Variants in POM121 observed in about 807,000 individuals in gnomAD.
The protein encoded by POM121 is POM121 transmembrane nucleoporin, also known as nuclear envelope pore membrane protein POM 121.
Under a neutral mutation model 81.3 loss-of-function variants are expected in POM121, and 32 were observed. The ratio of observed to expected loss-of-function variants is 0.39; its 90% confidence interval spans 0.30 to 0.53. The LOEUF (loss-of-function observed/expected upper bound fraction) is 0.53. Ranked by LOEUF, POM121 falls within the 20% of genes least tolerant of loss-of-function variation. The probability of loss-of-function intolerance (pLI) is 0.66; values close to 1 mark genes in which losing one functional copy is unlikely to be tolerated. For missense variants in POM121, 1,138 were observed against 1,614.6 expected (o/e 0.70, Z 5.06); for synonymous variants, 514 against 694.2 (o/e 0.74, Z 4.08).
intron 3 of POM121, among the ~76,000 whole-genome samples, chr7:72,907,023 T>C (rs1554493548): frequency 1.3e-5 from 2 of 152,206 alleles, no homozygotes; most frequent in African/African-American, 4.8e-5. Context: ...TTATTATCTC[T>C]TTTCTAAGTT....
intron 1 of POM121, among the ~76,000 whole-genome samples, chr7:72,886,153 G>GTATT (rs201459871): frequency 0.066 from 9,227 of 139,282 alleles, 270 homozygotes; most frequent in African/African-American, 0.13. Context: ...TAATTAAACA[G>GTATT]TATTTATTTA....
chr7:72,950,031 C>G, downstream of POM121: 1 of 1,547,006 alleles, frequency 6.5e-7, no homozygotes. Flanking sequence ...CCTACACATT[C>G]TTCCCTTTTC....
chr7:72,896,839 A>G (rs1554491795), intron 3 of POM121, among the ~76,000 whole-genome samples: 1 of 152,270 alleles, frequency 6.6e-6, no homozygotes, highest in African/African-American at 2.4e-5. Flanking sequence ...TTTGCCTGCC[A>G]CTGTTAAGCA....
chr7:72,903,934 C>T (rs1792966592), intron 3 of POM121, among the ~76,000 whole-genome samples: 1 of 152,208 alleles, frequency 6.6e-6, no homozygotes, highest in African/African-American at 2.4e-5. Context: ...GCTTGTGCCG[C>T]CACACCTGGC....
rs2530507 is a variant in POM121, at chr7:72,934,813, T to G, written c.1276-3777T>G. 2.3e-4 allele frequency among the ~76,000 whole-genome samples: 35 copies of G among 152,168 alleles called. 1 individual carries two copies. The highest frequency in any genetic ancestry group is 8.3e-4 in the South Asian group (4 of 4,828). ...TCCTTATTTCTCTGCAGCACCGTCT[T>G]TGTCTAATTTAAGTGTCTGTATATA... On this transcript the variant is annotated intron_variant, in intron 5 of 12. Transcript: ENST00000434423.
intron 4 of POM121, among the ~76,000 whole-genome samples, chr7:72,918,665 A>G (rs1485472052): frequency 3.3e-5 from 5 of 151,904 alleles, no homozygotes; most frequent in African/African-American, 9.7e-5. Context: ...TTGCCTCGGC[A>G]CCTGGATGGC....
chr7:72,925,687 C>T lies in POM121; in HGVS notation c.566C>T (p.Pro189Leu), dbSNP rs1795362688. 1.6e-6 allele frequency: 2 copies of T among 1,276,974 alleles called. No individual in the cohort carries two copies. Among genetic ancestry groups the T allele is most frequent in the Admixed American group, 3.5e-5 (1 of 28,478 alleles). The allele number at this position is 1,276,974 out of a possible 1,614,324, so 79.1% of individuals were successfully genotyped here. A position where few individuals can be genotyped will look rare whatever the true frequency, so the allele number is the denominator to read the frequency against. The change falls in exon 1 of 13, where the codon CCG becomes CTG. Residue 189 changes from proline to leucine, a missense_variant. Physicochemically the swap from Pro to Leu is moderately conservative, Grantham distance 98. Coordinates refer to ENST00000434423, the MANE Select transcript of POM121 (RefSeq NM_001387691.1). ...SPPPRSPPPS[P>L]PTHRAHHVYP... ...CCGCCGCGCTCCCCCCCGCCCTCCCCGCCGACCCATCGCGCTCACCACGTT... is the reference window on the plus strand; with the variant it reads ...CCGCCGCGCTCCCCCCCGCCCTCCCTGCCGACCCATCGCGCTCACCACGTT...
At chr7:72,894,171 A>G (rs1340434526) in intron 3 of POM121, among the ~76,000 whole-genome samples, 8 of 151,936 alleles carry the variant, frequency 5.3e-5, no homozygotes, top group Non-Finnish European at 7.4e-5. Flanking sequence ...GCTGAGGCAC[A>G]AGAATTGCTT....
At chr7:72,945,271 A>G (rs1797561603) in intron 11 of POM121, among the ~76,000 whole-genome samples, 1 of 152,102 alleles carries the variant, frequency 6.6e-6, no homozygotes, top group African/African-American at 2.4e-5. Context: ...CAACCCAGGT[A>G]CGCTAGGAGG....
In POM121 at chr7:72,925,154, C is replaced by G. The variant is rs1381170279; in HGVS notation, c.33C>G (p.Gly11=). The G allele has an allele frequency of 2.2e-5, 32 of 1,472,180 alleles. No individual in the cohort carries two copies. The highest frequency in any genetic ancestry group is 2.9e-5 in the African/African-American group (2 of 67,826). 91.2% of individuals were successfully genotyped at this position (1,472,180 alleles called of 1,614,324 possible). The stretch of plus-strand genomic sequence containing the variant: ...CGGCGGCTGCGGCGGCTGGAGCAGG[C>G]GAGCGGCGGCGGCCCATAGCGAGTG... MSPAAAAAGA[G]ERRRPIASVR... Residue 11 remains glycine, a synonymous_variant, in exon 1 of 13, where the codon GGC becomes GGG. Transcript: ENST00000434423.
intron 4 of POM121, among the ~76,000 whole-genome samples, chr7:72,915,162 T>G (rs1794177215): frequency 6.6e-6 from 1 of 152,162 alleles, no homozygotes; most frequent in Non-Finnish European, 1.5e-5. Flanking sequence ...CTGGTAATGT[T>G]AGATTGTTGG....
Position 72,925,163 on chromosome 7 carries a change from G to T in POM121, c.42G>T (p.Arg14=). 1 of 1,485,466 alleles carries T rather than the reference G, an allele frequency of 6.7e-7. No homozygotes were observed. The highest frequency in any genetic ancestry group is 2.3e-5 in the Admixed American group (1 of 43,142). 92.0% of individuals were successfully genotyped at this position (1,485,466 alleles called of 1,614,324 possible). A position where few individuals can be genotyped will look rare whatever the true frequency, so the allele number is the denominator to read the frequency against. The stretch of plus-strand genomic sequence containing the variant: ...CGGCGGCTGGAGCAGGCGAGCGGCG[G>T]CGGCCCATAGCGAGTGTCAGGGACG... ...AAAAAGAGER[R]RPIASVRDGR... The change falls in exon 1 of 13, where the codon CGG becomes CGT. Residue 14 remains arginine (R), a synonymous_variant. Transcript: ENST00000434423.
At chr7:72,914,142 G>A (rs1180496964) in intron 4 of POM121, among the ~76,000 whole-genome samples, 1 of 152,230 alleles carries the variant, frequency 6.6e-6, no homozygotes, top group Non-Finnish European at 1.5e-5. Context: ...GGACTGTGAT[G>A]AAGCCCAAAC....
In POM121 at chr7:72,946,085, T is replaced by C. The variant is rs380868; in HGVS notation, c.3653-52T>C. The C allele has an allele frequency of 6.8e-3, 10,850 of 1,586,518 alleles. 355 individuals carry two copies. In the African/African-American group the frequency reaches 0.072, roughly 11 times the overall value. On this transcript the variant is annotated intron_variant, in intron 12 of 12. Transcript: ENST00000434423. Reference sequence around the variant, plus strand: ...CTTCCAGAGATTTGGGCACCCAGAGTCAGAGTCTCAGGTAGCAGCTGCCCT... The same window carrying C: ...CTTCCAGAGATTTGGGCACCCAGAGCCAGAGTCTCAGGTAGCAGCTGCCCT...
chr7:72,930,259 A>G (rs536640472), intron 5 of POM121, 148 bp downstream of exon 5: 1 of 1,216,156 alleles, frequency 8.2e-7, no homozygotes, highest in East Asian at 2.5e-5. Context: ...GTTCAAAACC[A>G]GCCTGGGCAA....
chr7:72,892,948 A>G (rs763806268), intron 3 of POM121, among the ~76,000 whole-genome samples: 22 of 151,672 alleles, frequency 1.5e-4, no homozygotes, highest in Non-Finnish European at 2.9e-4. Context: ...TACAGGCCTG[A>G]GCCACTGTGC....
chr7:72,925,276 C>T lies in POM121; in HGVS notation c.155C>T (p.Ala52Val), dbSNP rs782071755. The change falls in exon 1 of 13, where the codon GCG becomes GTG. Residue 52 changes from alanine (A) to valine (V), a missense_variant. Physicochemically the swap from Ala to Val is moderately conservative, Grantham distance 64. Transcript: ENST00000434423. ...VGLLLYLVPA[A>V]AALAWLTVGA... Reference sequence around the variant, plus strand: ...CTCTTACTGTACCTCGTGCCGGCTGCGGCTGCACTGGCCTGGCTGACCGTG... The same window carrying T: ...CTCTTACTGTACCTCGTGCCGGCTGTGGCTGCACTGGCCTGGCTGACCGTG... 1.2e-5 allele frequency: 19 copies of T among 1,534,486 alleles called. No individual in the cohort carries two copies. In the South Asian group the frequency reaches 1.8e-4, roughly 14 times the overall value.
chr7:72,882,295 T>A (rs1202429670), intron 1 of POM121, among the ~76,000 whole-genome samples: 1 of 152,132 alleles, frequency 6.6e-6, no homozygotes, highest in Non-Finnish European at 1.5e-5. Context: ...GCATCTTCCA[T>A]CACCAGAGCA....
chr7:72,894,626 GGAGAGAGAGAGA>G (rs71071923), intron 3 of POM121, among the ~76,000 whole-genome samples: 812 of 23,208 alleles, frequency 0.035, 9 homozygotes, highest in Non-Finnish European at 0.061. Flanking sequence ...GAGAGAGAGA[GGAGAGAGAGAGA>G]GAGAGAGAGA....
Sources: gnomAD v4.1 joint callset for allele counts (sites outside exome capture counted in the v4.1 genomes callset) on GRCh38, gnomAD v4.1.1 for gene constraint, MANE v1.5 for transcripts, NCBI Gene and HGNC (gene_info 2026-07-23, HGNC 2026-07-21) for gene names.